OR51B5: variants seen among roughly 807,000 people sequenced by gnomAD.
OR51B5 encodes olfactory receptor 51B5.
For missense variants in OR51B5, 456 were observed against 374.6 expected (o/e 1.22, Z -1.79); for synonymous variants, 186 against 144.8 (o/e 1.28, Z -2.04).
chr11:5,448,792 AAAG>A (rs1456865109), intron 1 of OR51B5, among the ~76,000 whole-genome samples: 3 of 152,238 alleles, frequency 2.0e-5, no homozygotes, highest in Non-Finnish European at 2.9e-5. Flanking sequence ...ATGAAGGATG[AAAG>A]AAGAAGAAAG....
At chr11:5,385,196 C>A (rs1589967122) in intron 1 of OR51B5, among the ~76,000 whole-genome samples, 1 of 152,172 alleles carries the variant, frequency 6.6e-6, no homozygotes, top group East Asian at 1.9e-4. Flanking sequence ...TCTGAGTGGA[C>A]TCCTCCATTG....
chr11:5,344,031 G>C (rs963651972), upstream of OR51B5, among the ~76,000 whole-genome samples: 5 of 152,176 alleles, frequency 3.3e-5, no homozygotes, highest in African/African-American at 4.8e-5. Flanking sequence ...GCCTAAGAAA[G>C]AAAAGTGTGG....
At chr11:5,475,538 C>T (rs1385150515) in intron 1 of OR51B5, among the ~76,000 whole-genome samples, 2 of 152,214 alleles carry the variant, frequency 1.3e-5, no homozygotes, top group East Asian at 3.9e-4. Flanking sequence ...CCTTATGGAT[C>T]CCCCTAACCC....
chr11:5,351,916 A>G, intron 1 of OR51B5: 1 of 1,613,124 alleles, frequency 6.2e-7, no homozygotes, highest in Non-Finnish European at 8.5e-7. Context: ...CCTGACCAAC[A>G]CCCAGGTAAT....
chr11:5,370,486 T>G (rs1849431013), intron 1 of OR51B5, among the ~76,000 whole-genome samples: 1 of 152,198 alleles, frequency 6.6e-6, no homozygotes, highest in Non-Finnish European at 1.5e-5. Context: ...AATAATTTAA[T>G]GCCAGAAAAT....
chr11:5,389,966 T>A, intron 1 of OR51B5: 1 of 1,611,930 alleles, frequency 6.2e-7, no homozygotes, highest in South Asian at 1.1e-5. Flanking sequence ...CTCCCACTCA[T>A]TTTGCCTGCA....
At chr11:5,465,137 C>G (rs36193304) in intron 1 of OR51B5, among the ~76,000 whole-genome samples, 1 of 134,240 alleles carries the variant, frequency 7.4e-6, no homozygotes, top group Admixed American at 7.9e-5. Flanking sequence ...ACCCGGGAGG[C>G]GGAGCTTGCA....
At chr11:5,342,444 A>G (rs896245791), downstream of OR51B5, 1 of 1,029,926 alleles carries the variant, frequency 9.7e-7, no homozygotes, top group Non-Finnish European at 1.4e-6. Context: ...TTAAAGAGAT[A>G]CCTTAGGGAA....
Position 5,441,574 on chromosome 11 carries a change from T to G in OR51B5, n.84+63995A>C, listed in dbSNP as rs1024900611. The G allele has an allele frequency of 1.0e-5, 13 of 1,251,064 alleles. 1 individual carries two copies. Among genetic ancestry groups the G allele is most frequent in the Non-Finnish European group, 1.2e-5 (11 of 884,542 alleles). The allele number at this position is 1,251,064 out of a possible 1,614,324, so 77.5% of individuals were successfully genotyped here. A position where few individuals can be genotyped will look rare whatever the true frequency, so the allele number is the denominator to read the frequency against. ...GGGTGTGTTGGGAAACTTCTTCACT[T>G]TCTTTCAGATATCCTGTCTCCAACA... On this transcript the variant is annotated intron_variant and non_coding_transcript_variant, in intron 1 of 4. Coordinates refer to the OR51B5 transcript ENST00000415970.
intron 1 of OR51B5, among the ~76,000 whole-genome samples, chr11:5,387,530 C>T (rs957347995): frequency 3.3e-5 from 5 of 152,188 alleles, no homozygotes; most frequent in African/African-American, 1.2e-4. Context: ...TCGAAGCTCA[C>T]AAGTATAATA....
intron 1 of OR51B5, among the ~76,000 whole-genome samples, chr11:5,396,378 G>A (rs2201866): frequency 4.6e-5 from 7 of 151,980 alleles, no homozygotes; most frequent in Non-Finnish European, 8.8e-5. Flanking sequence ...AAAGTCTCAG[G>A]ATACAAAATC....
chr11:5,373,091 G>A (rs1225709052), intron 1 of OR51B5, among the ~76,000 whole-genome samples: 1 of 152,178 alleles, frequency 6.6e-6, no homozygotes, highest in Non-Finnish European at 1.5e-5. Flanking sequence ...TCAACAAATA[G>A]TGTTGGGAAA....
At chr11:5,415,281 TA>T (rs1416293794) in intron 1 of OR51B5, among the ~76,000 whole-genome samples, 2 of 149,990 alleles carry the variant, frequency 1.3e-5, no homozygotes, top group Non-Finnish European at 3.0e-5. Context: ...AAGCAGTGTG[TA>T]GAGGGAAATT....
chr11:5,342,394 C>A (rs1848909239), downstream of OR51B5: 3 of 242,256 alleles, frequency 1.2e-5, no homozygotes, highest in Non-Finnish European at 2.0e-5. Context: ...AGGAATGCAA[C>A]AAAAATTTGT....
chr11:5,368,368 C>T (rs11037049), intron 1 of OR51B5, among the ~76,000 whole-genome samples: 37,676 of 152,008 alleles, frequency 0.25, 5,806 homozygotes, highest in Non-Finnish European at 0.34. Flanking sequence ...ACCAATAGTA[C>T]CCACATGGTT....
chr11:5,343,149 T>A lies in OR51B5; in HGVS notation c.376A>T (p.Asn126Tyr), dbSNP rs1187975536. The stretch of plus-strand genomic sequence containing the variant: ...AGTACAGAGGTATATCTAAGAGGGT[T>A]GCAGATGGCAATAAAACGGTCATAG... The change falls in exon 1 of 1, where the codon AAC (asparagine) becomes TAC (tyrosine). Residue 126 changes from asparagine to tyrosine, a missense_variant. Coordinates refer to ENST00000300773, the Ensembl canonical transcript of OR51B5. 3 of 1,613,780 alleles carry A rather than the reference T, an allele frequency of 1.9e-6. No individual in the cohort carries two copies. The East Asian group carries it at 6.7e-5, about 36-fold the overall frequency.
At chr11:5,347,841 A>G (rs1329419949), upstream of OR51B5, among the ~76,000 whole-genome samples, 1 of 152,074 alleles carries the variant, frequency 6.6e-6, no homozygotes, top group African/African-American at 2.4e-5. Flanking sequence ...TAAATCAGGA[A>G]TGGTCTCTGG....
intron 1 of OR51B5, among the ~76,000 whole-genome samples, chr11:5,499,357 G>A (rs1851689605): frequency 7.6e-6 from 1 of 131,574 alleles, no homozygotes; most frequent in Non-Finnish European, 1.7e-5. Context: ...GATCAGCTCT[G>A]GGCCCCACTC....
intron 1 of OR51B5, among the ~76,000 whole-genome samples, chr11:5,378,284 T>A (rs1849558303): frequency 6.6e-6 from 1 of 152,080 alleles, no homozygotes; most frequent in Admixed American, 6.6e-5. Context: ...CTGGATCCCT[T>A]CCTTACACCT....
Sources: allele counts gnomAD v4.1 joint callset (sites outside exome capture counted in the v4.1 genomes callset), GRCh38; gene constraint gnomAD v4.1.1; transcripts MANE v1.5; gene names NCBI Gene and HGNC (gene_info 2026-07-23, HGNC 2026-07-21).